Variants in OSBPL5 observed in about 807,000 individuals in gnomAD.
OSBPL5 encodes oxysterol binding protein like 5.
Under a neutral mutation model 111.2 loss-of-function variants are expected in OSBPL5, and 71 were observed. That is an observed-to-expected ratio of 0.64 (90% confidence interval 0.53 to 0.78). The LOEUF (loss-of-function observed/expected upper bound fraction) is 0.78. OSBPL5 is among the 30% of genes least tolerant of loss of function. The pLI, the probability that OSBPL5 is intolerant of heterozygous loss-of-function variation, is 0.00. For missense variants in OSBPL5, 1,210 were observed against 1,189.3 expected, an observed-to-expected ratio of 1.02 and a Z score of -0.26; for synonymous variants, 549 against 513.9, an observed-to-expected ratio of 1.07 and a Z score of -0.93.
chr11:3,093,463 G>T, intron 17 of OSBPL5, 64 bp downstream of exon 17: 1 of 1,583,124 alleles, frequency 6.3e-7, no homozygotes, highest in Non-Finnish European at 8.6e-7. Context: ...TAGCCCTGCT[G>T]ACCTGCCTGC....
At chr11:3,114,630 G>C (rs952008513) in intron 7 of OSBPL5, among the ~76,000 whole-genome samples, 3 of 114,144 alleles carry the variant, frequency 2.6e-5, no homozygotes, top group African/African-American at 3.6e-5. Context: ...ACAGAGTCTC[G>C]CTCTGTTGCC....
At position 3,162,600 on chromosome 11, in the gene OSBPL5, C is replaced by T. The variant is rs558813736; in HGVS notation, c.-22+2616G>A. Among the ~76,000 whole-genome samples the T allele has an allele frequency of 1.2e-4, 18 of 152,092 alleles. No individual in the cohort carries two copies. The highest frequency in any genetic ancestry group is 3.6e-4 in the African/African-American group (15 of 41,480). ...CTTTGTACTCGACCGCCAACCCTAC[C>T]ACTCTCCGGAGCAGCTTCACTATCT... On this transcript the variant is annotated intron_variant, in intron 1 of 21. Coordinates refer to ENST00000263650, the MANE Select transcript of OSBPL5 (RefSeq NM_020896.4). The surrounding 1 kb of genome is among the most constrained non-coding windows in gnomAD (Gnocchi z 8.1).
At chr11:3,120,278 G>T in intron 6 of OSBPL5, 143 bp downstream of exon 6, 1 of 988,878 alleles carries the variant, frequency 1.0e-6, no homozygotes, top group Non-Finnish European at 1.5e-6. Context: ...CTGGCCGCAT[G>T]TGGGGCTCAG....
chr11:3,128,438 G>A (rs1201183443), intron 2 of OSBPL5, among the ~76,000 whole-genome samples: 2 of 152,242 alleles, frequency 1.3e-5, no homozygotes, highest in Non-Finnish European at 2.9e-5. Context: ...CAGGGGTTGT[G>A]CATAGTTAGG....
In OSBPL5 at chr11:3,106,113, C is replaced by A. The variant is rs1483998851; in HGVS notation, c.1059+1150G>T. On this transcript the variant is annotated intron_variant, in intron 9 of 21. Coordinates refer to ENST00000263650, the MANE Select transcript of OSBPL5 (RefSeq NM_020896.4). The surrounding 1 kb of genome is among the most constrained non-coding windows in gnomAD (Gnocchi z 8.4). ...CATAGGCCCATCCTAACCTTCCCAT[C>A]CCCGCACAGGAGCCTGAGCTCTGTG... 1.3e-5 allele frequency among the ~76,000 whole-genome samples: 2 copies of A among 152,186 alleles called. No homozygotes were observed. Among genetic ancestry groups the A allele is most frequent in the African/African-American group, 4.8e-5 (2 of 41,450 alleles).
chr11:3,139,626 C>T (rs1405260171), intron 1 of OSBPL5, among the ~76,000 whole-genome samples: 1 of 152,180 alleles, frequency 6.6e-6, no homozygotes, highest in African/African-American at 2.4e-5. Context: ...GGCCTCTGGA[C>T]AAGCCCCCGC....
In OSBPL5 at chr11:3,154,769, G is replaced by A. The variant is rs547432217; in HGVS notation, c.-22+10447C>T. Among the ~76,000 whole-genome samples the A allele has an allele frequency of 2.6e-5, 4 of 152,268 alleles. No individual in the cohort carries two copies. The South Asian group carries it at 8.3e-4, about 32-fold the overall frequency. ...GCCCCTAGGACCTGAGAAAGCGGCT[G>A]TACTTGGAGATGGGGTCTTTAAAGA... is the stretch of plus-strand genomic sequence containing the variant. On this transcript the variant is annotated intron_variant, in intron 1 of 21. Coordinates refer to ENST00000263650, the MANE Select transcript of OSBPL5 (RefSeq NM_020896.4). This position sits in a 1 kb window ranked among gnomAD's most constrained non-coding sequence, Gnocchi z 4.9.
rs1487171899 is a variant in OSBPL5, at chr11:3,107,754, G to A, written c.866+17C>T. 5.6e-6 allele frequency: 9 copies of A among 1,609,210 alleles called. No homozygotes were observed. Among genetic ancestry groups the A allele is most frequent in the Non-Finnish European group, 7.6e-6 (9 of 1,179,560 alleles). ...CCCGTGAATCACCACCAGCCCCTGT[G>A]CCCTCGCCCCACTCACGGGAACAGG... On this transcript the variant is annotated intron_variant, in intron 8 of 21. Coordinates refer to ENST00000263650, the MANE Select transcript of OSBPL5 (RefSeq NM_020896.4). The surrounding 1 kb of genome is among the most constrained non-coding windows in gnomAD (Gnocchi z 6.1).
intron 14 of OSBPL5, among the ~76,000 whole-genome samples, chr11:3,098,460 T>C (rs1857346624): frequency 7.9e-6 from 1 of 126,812 alleles, no homozygotes; most frequent in Admixed American, 8.7e-5. Flanking sequence ...TAAAAAGAAA[T>C]CCAGAGCTAT....
rs939441075 is a variant in OSBPL5, at chr11:3,161,989, G to A, written c.-22+3227C>T. 6.6e-6 allele frequency among the ~76,000 whole-genome samples: 1 copy of A among 151,950 alleles called. No homozygotes were observed. The highest frequency in any genetic ancestry group is 2.1e-4 in the South Asian group (1 of 4,810). ...GGAGGGGAGAGGGAGGGGAGGGGAG[G>A]GGGAGAGGAGAACAAGGGAAGGGAG... On this transcript the variant is annotated intron_variant, in intron 1 of 21. Coordinates refer to ENST00000263650, the MANE Select transcript of OSBPL5 (RefSeq NM_020896.4). The surrounding 1 kb of genome is among the most constrained non-coding windows in gnomAD (Gnocchi z 8.0).
At chr11:3,152,639 G>T (rs1027880899) in intron 1 of OSBPL5, among the ~76,000 whole-genome samples, 1 of 152,218 alleles carries the variant, frequency 6.6e-6, no homozygotes, top group Non-Finnish European at 1.5e-5. Flanking sequence ...GGCACGCAGC[G>T]CCCCTAAGCC....
At chr11:3,112,728 G>T (rs1858048927) in intron 7 of OSBPL5, among the ~76,000 whole-genome samples, 1 of 152,082 alleles carries the variant, frequency 6.6e-6, no homozygotes, top group Non-Finnish European at 1.5e-5. Context: ...CATAAAATTG[G>T]TCTCCTTATG....
chr11:3,092,368 AGGGGT>A lies in OSBPL5; in HGVS notation c.2259+59_2259+63del. The A allele has an allele frequency of 6.7e-7, 1 of 1,497,164 alleles. No individual in the cohort carries two copies. Among genetic ancestry groups the A allele is most frequent in the South Asian group, 1.3e-5 (1 of 77,172 alleles). 92.7% of individuals were successfully genotyped at this position (1,497,164 alleles called of 1,614,324 possible). A position where few individuals can be genotyped will look rare whatever the true frequency, so the allele number is the denominator to read the frequency against. On this transcript the variant is annotated intron_variant, in intron 19 of 21. Transcript: ENST00000263650. This position sits in a 1 kb window ranked among gnomAD's most constrained non-coding sequence, Gnocchi z 5.4. ...GAAGGGAGGAGTGAGGTGAGGAGCG[AGGGGT>A]GGTGGTGGCCACACGTGCAGCTAAG...
rs755521270 is a variant in OSBPL5 at position 3,100,237 on chromosome 11, C to T, written c.1542G>A (p.Leu514=). Residue 514 remains leucine (L), a synonymous_variant, in exon 14 of 22, where the codon CTG becomes CTA. Coordinates refer to ENST00000263650, the MANE Select transcript of OSBPL5 (RefSeq NM_020896.4). Reference sequence around the variant, plus strand: ...AGGTGAGCGTGGCTTTGCCGTCCAGCAGCGCCGACAGCGAGTTCCCTGCAG... The same window carrying T: ...AGGTGAGCGTGGCTTTGCCGTCCAGTAGCGCCGACAGCGAGTTCCCTGCAG... The part of the protein sequence containing the change: ...SRFYGNSLSA[L]LDGKATLTFL... The T allele has an allele frequency of 6.2e-7, 1 of 1,614,056 alleles. No individual in the cohort carries two copies.
At chr11:3,150,682 A>G (rs1024538619) in intron 1 of OSBPL5, among the ~76,000 whole-genome samples, 18 of 152,224 alleles carry the variant, frequency 1.2e-4, no homozygotes, top group African/African-American at 3.4e-4. Flanking sequence ...GCCACACCCA[A>G]CTTTCATTCC....
chr11:3,126,618 C>T lies in OSBPL5; in HGVS notation c.137-63G>A. 6.9e-7 allele frequency: 1 copy of T among 1,449,936 alleles called. No individual in the cohort carries two copies. Among genetic ancestry groups the T allele is most frequent in the Non-Finnish European group, 9.4e-7 (1 of 1,069,332 alleles). 89.8% of individuals were successfully genotyped at this position (1,449,936 alleles called of 1,614,324 possible). A position where few individuals can be genotyped will look rare whatever the true frequency, so the allele number is the denominator to read the frequency against. ...TGGCGTGGCCAGGCTTCTCAGGCCG[C>T]TGCCTGGTGTGAGGCAGGCGAAGCG... On this transcript the variant is annotated intron_variant, in intron 2 of 21. Coordinates refer to ENST00000263650, the MANE Select transcript of OSBPL5 (RefSeq NM_020896.4). The surrounding 1 kb of genome is among the most constrained non-coding windows in gnomAD (Gnocchi z 6.5).
Position 3,154,003 on chromosome 11 carries a change from C to T in OSBPL5, c.-22+11213G>A, listed in dbSNP as rs1034514145. On this transcript the variant is annotated intron_variant, in intron 1 of 21. Coordinates refer to ENST00000263650, the MANE Select transcript of OSBPL5 (RefSeq NM_020896.4). The surrounding 1 kb of genome is among the most constrained non-coding windows in gnomAD (Gnocchi z 4.9). ...AACAGCGCCGTCAGCCCCGCACACA[C>T]AGCAGGGAGCCCCAGGGCAGGCCCG... Among the ~76,000 whole-genome samples, 7 of 152,260 alleles carry T rather than the reference C, an allele frequency of 4.6e-5. No individual in the cohort carries two copies. The South Asian group carries it at 6.2e-4, about 13-fold the overall frequency.
intron 1 of OSBPL5, among the ~76,000 whole-genome samples, chr11:3,138,527 C>T (rs564293041): frequency 4.6e-5 from 7 of 152,364 alleles, no homozygotes; most frequent in South Asian, 2.1e-4. Flanking sequence ...AAACCCGCCA[C>T]GCTGAGCCTC....
chr11:3,122,755 C>T (rs1392163281), intron 3 of OSBPL5, among the ~76,000 whole-genome samples: 2 of 152,192 alleles, frequency 1.3e-5, no homozygotes, highest in African/African-American at 2.4e-5. Flanking sequence ...GGGCTGACTT[C>T]CTACGGGTCT....
Sources: allele counts gnomAD v4.1 joint callset (sites outside exome capture counted in the v4.1 genomes callset), GRCh38; gene constraint gnomAD v4.1.1; non-coding constraint Gnocchi (gnomAD v3.1); transcripts MANE v1.5; gene names NCBI Gene and HGNC (gene_info 2026-07-23, HGNC 2026-07-21).